Variants in RPS6KC1 observed in about 807,000 individuals in gnomAD.
RPS6KC1 encodes the protein inactive ribosomal protein S6 kinase delta-1.
RPS6KC1 carries 54 observed loss-of-function variants against 103.8 expected under a neutral mutation model. The ratio of observed to expected loss-of-function variants is 0.52; its 90% confidence interval spans 0.42 to 0.65. The LOEUF is 0.65. Ranked by LOEUF, RPS6KC1 falls within the 30% of genes least tolerant of loss-of-function variation. RPS6KC1 has a pLI of 0.00. For missense variants in RPS6KC1, 1,151 were observed against 1,253.8 expected (o/e 0.92, Z 1.24); for synonymous variants, 439 against 438.7 (o/e 1.00, Z -0.01).
intron 1 of RPS6KC1, among the ~76,000 whole-genome samples, chr1:213,063,882 G>C (rs2078057958): frequency 6.6e-6 from 1 of 152,092 alleles, no homozygotes; most frequent in Non-Finnish European, 1.5e-5. Flanking sequence ...GTGAAGCACT[G>C]CTGTAGGGTA....
chr1:213,343,428 TATATATATATATAC>T, the RPS6KC1 span, among the ~76,000 whole-genome samples: 5 of 64,090 alleles, frequency 7.8e-5, no homozygotes, highest in African/African-American at 2.4e-4. Flanking sequence ...TATATATATA[TATATATATATATAC>T]ATACCATGGA....
At chr1:213,125,884 A>G (rs1047131136) in intron 5 of RPS6KC1, 1 of 152,096 alleles carries the variant, frequency 6.6e-6, no homozygotes, top group African/African-American at 2.4e-5. Context: ...TTTTGTGGTC[A>G]AAAGCCAAGA....
chr1:213,289,107 C>T, the RPS6KC1 span, among the ~76,000 whole-genome samples: 108 of 152,186 alleles, frequency 7.1e-4, 1 homozygote, highest in African/African-American at 2.5e-3. Flanking sequence ...ACTGTATTAT[C>T]TTCTCACATG....
At chr1:213,171,754 A>C (rs2091491624) in intron 7 of RPS6KC1, among the ~76,000 whole-genome samples, 1 of 152,168 alleles carries the variant, frequency 6.6e-6, no homozygotes, top group Non-Finnish European at 1.5e-5. Context: ...CCTCAGTGAG[A>C]CATTTGCTTA....
At chr1:213,842,535 A>C in the RPS6KC1 span, among the ~76,000 whole-genome samples, 1 of 152,192 alleles carries the variant, frequency 6.6e-6, no homozygotes, top group Non-Finnish European at 1.5e-5. Flanking sequence ...TATACATTAC[A>C]AATTCAGCAT....
chr1:213,606,402 T>C, the RPS6KC1 span, among the ~76,000 whole-genome samples: 1 of 152,216 alleles, frequency 6.6e-6, no homozygotes, highest in Non-Finnish European at 1.5e-5. Context: ...ACTTATTTTG[T>C]CACATTCTGT....
chr1:213,409,568 A>G, the RPS6KC1 span, among the ~76,000 whole-genome samples: 3 of 152,194 alleles, frequency 2.0e-5, no homozygotes, highest in Non-Finnish European at 4.4e-5. Flanking sequence ...GTTGAAAGAA[A>G]AGGAACACCA....
the RPS6KC1 span, among the ~76,000 whole-genome samples, chr1:213,519,771 T>G: frequency 6.6e-6 from 1 of 152,234 alleles, no homozygotes; most frequent in Admixed American, 6.5e-5. Context: ...CACTGGATAC[T>G]GGATGACTGC....
chr1:213,478,762 T>C, the RPS6KC1 span, among the ~76,000 whole-genome samples: 2 of 152,118 alleles, frequency 1.3e-5, no homozygotes, highest in Admixed American at 6.5e-5. Context: ...TTATCAGATA[T>C]AGCTTTTGTA....
intron 5 of RPS6KC1, among the ~76,000 whole-genome samples, chr1:213,125,182 G>GA (rs1363861196): frequency 6.6e-6 from 1 of 151,952 alleles, no homozygotes; most frequent in Non-Finnish European, 1.5e-5. Context: ...ACCATACACA[G>GA]AAAATCACTG....
chr1:213,664,305 CA>C, the RPS6KC1 span, among the ~76,000 whole-genome samples: 1 of 149,766 alleles, frequency 6.7e-6, no homozygotes, highest in African/African-American at 2.4e-5. Flanking sequence ...TCCATTGTCA[CA>C]TGGAATTCAC....
the RPS6KC1 span, among the ~76,000 whole-genome samples, chr1:213,330,508 G>A: frequency 6.6e-6 from 1 of 152,162 alleles, no homozygotes; most frequent in African/African-American, 2.4e-5. Context: ...ACCTATTCTA[G>A]ATCCGTGTGC....
the RPS6KC1 span, among the ~76,000 whole-genome samples, chr1:213,450,291 C>G: frequency 6.6e-6 from 1 of 151,902 alleles, no homozygotes; most frequent in Admixed American, 6.6e-5. Context: ...TTCTCAAAGC[C>G]AGCAGGTTTC....
chr1:213,146,822 A>T lies in RPS6KC1; in HGVS notation c.835+16933A>T, dbSNP rs1005000468. Among the ~76,000 whole-genome samples the T allele has an allele frequency of 3.9e-5, 6 of 152,134 alleles. No individual in the cohort carries two copies. In the East Asian group the frequency reaches 1.2e-3, roughly 29 times the overall value. On this transcript the variant is annotated intron_variant, in intron 6 of 14. Transcript: ENST00000366960. ...TAATTTACGTTCCCACCAACAGTGT[A>T]CCAGGGTTCCCTTTTCTTCACATCC...
At chr1:213,749,985 C>T in the RPS6KC1 span, among the ~76,000 whole-genome samples, 1 of 152,194 alleles carries the variant, frequency 6.6e-6, no homozygotes, top group Admixed American at 6.5e-5. Context: ...TTAGACAAAG[C>T]CTGACTTATC....
At chr1:213,424,702 A>C in the RPS6KC1 span, among the ~76,000 whole-genome samples, 1 of 152,180 alleles carries the variant, frequency 6.6e-6, no homozygotes, top group Non-Finnish European at 1.5e-5. Flanking sequence ...AGGATTTCAC[A>C]CCCTATTTCT....
At chr1:213,573,922 G>T in the RPS6KC1 span, among the ~76,000 whole-genome samples, 1 of 152,196 alleles carries the variant, frequency 6.6e-6, no homozygotes, top group African/African-American at 2.4e-5. Context: ...TCCAAGGAGT[G>T]GTGATGATGG....
At chr1:213,377,453 A>G in the RPS6KC1 span, among the ~76,000 whole-genome samples, 1 of 152,116 alleles carries the variant, frequency 6.6e-6, no homozygotes, top group Non-Finnish European at 1.5e-5. Context: ...CTGTGTTTTG[A>G]GGAGAAGGTG....
At chr1:213,796,659 G>C in the RPS6KC1 span, among the ~76,000 whole-genome samples, 2 of 152,184 alleles carry the variant, frequency 1.3e-5, no homozygotes, top group South Asian at 4.1e-4. Context: ...ATGAAATAAT[G>C]TGCCATGTCT....
Sources: gnomAD v4.1 joint callset for allele counts (sites outside exome capture counted in the v4.1 genomes callset) on GRCh38, gnomAD v4.1.1 for gene constraint, MANE v1.5 for transcripts, NCBI Gene and HGNC (gene_info 2026-07-23, HGNC 2026-07-21) for gene names.